Variants in MPND observed in about 807,000 individuals in gnomAD.
MPND encodes MPN domain-containing protein.
MPND carries 56 observed loss-of-function variants against 59.2 expected under a neutral mutation model. The ratio of observed to expected loss-of-function variants is 0.95; its 90% CI spans 0.76 to 1.18. The LOEUF (loss-of-function observed/expected upper bound fraction) is 1.18, where lower values mean the gene tolerates loss of function less well. Among genes scored for constraint, MPND ranks in the 50% most tolerant of loss-of-function variants. The probability of loss-of-function intolerance (pLI) is 0.00; values close to 1 mark genes in which losing one functional copy is unlikely to be tolerated. For missense variants in MPND, 671 were observed against 676.0 expected, an observed-to-expected ratio of 0.99 and a Z score of 0.08; for synonymous variants, 323 against 291.9, an observed-to-expected ratio of 1.11 and a Z score of -1.09.
chr19:4,344,680 C>A (rs1041673396), intron 2 of MPND, among the ~76,000 whole-genome samples: 1 of 151,978 alleles, frequency 6.6e-6, no homozygotes, highest in Non-Finnish European at 1.5e-5. Flanking sequence ...ATGAATAAAG[C>A]CCTCAGCAGG....
chr19:4,349,135 T>C (rs1972256312), intron 3 of MPND: 1 of 155,306 alleles, frequency 6.4e-6, no homozygotes, highest in Admixed American at 6.4e-5. Context: ...TGCTGTGATC[T>C]TGGCTCACTG....
In MPND at chr19:4,359,270, C is replaced by T; in HGVS notation, c.1419+15C>T. 3 of 1,607,454 alleles carry T rather than the reference C, an allele frequency of 1.9e-6. No homozygotes were observed. The highest frequency in any genetic ancestry group is 2.6e-6 in the Non-Finnish European group (3 of 1,175,022). Reference sequence around the variant, plus strand: ...ACAAGCTTAAGGTGAGCCCCAAGTCCCCGCAGACCTCCTAACGGGGCCCCA... The same window carrying T: ...ACAAGCTTAAGGTGAGCCCCAAGTCTCCGCAGACCTCCTAACGGGGCCCCA... On this transcript the variant is annotated intron_variant, in intron 12 of 12. Coordinates refer to ENST00000599840, the MANE Select transcript of MPND (RefSeq NM_001300862.2).
intron 8 of MPND, among the ~76,000 whole-genome samples, chr19:4,355,547 G>C (rs1186622968): frequency 6.6e-6 from 1 of 152,182 alleles, no homozygotes; most frequent in Non-Finnish European, 1.5e-5. Context: ...GCGTTAGCCA[G>C]GATGGTCTCG....
Position 4,343,814 on chromosome 19 carries a change from C to T in MPND, c.114C>T (p.Gly38=). The change falls in exon 2 of 13, where the codon GGC becomes GGT. Residue 38 remains glycine, a synonymous_variant. Coordinates refer to ENST00000599840, the MANE Select transcript of MPND (RefSeq NM_001300862.2). ...CTGAGCGGCCGAATGCGGGAGCGGG[C>T]GGTGGACGCAGTGGCGGCGGCGGCA... ...EDPERPNAGA[G]GGRSGGGGSS... 1 of 1,197,028 alleles carries T rather than the reference C, an allele frequency of 8.4e-7. No homozygotes were observed. The allele number at this position is 1,197,028 out of a possible 1,614,324, so 74.2% of individuals were successfully genotyped here.
At chr19:4,359,682 G>C (rs551664402) in intron 12 of MPND, among the ~76,000 whole-genome samples, 1 of 152,116 alleles carries the variant, frequency 6.6e-6, no homozygotes, top group African/African-American at 2.4e-5. Flanking sequence ...GGGCAGGATC[G>C]GGAGTGTGCA....
intron 5 of MPND, 76 bp downstream of exon 5, chr19:4,354,205 G>A: frequency 1.3e-6 from 2 of 1,529,600 alleles, no homozygotes; most frequent in Non-Finnish European, 1.8e-6. Context: ...GCAAGGGCAG[G>A]GGTGGGGGGT....
chr19:4,351,395 G>C (rs1333356869), intron 3 of MPND, among the ~76,000 whole-genome samples: 1 of 152,156 alleles, frequency 6.6e-6, no homozygotes, highest in African/African-American at 2.4e-5. Context: ...GGGCCACTGT[G>C]CCCGACTGGG....
At chr19:4,355,437 G>A (rs1246810215) in intron 8 of MPND, among the ~76,000 whole-genome samples, 2 of 149,810 alleles carry the variant, frequency 1.3e-5, no homozygotes, top group African/African-American at 2.5e-5. Flanking sequence ...CCGGGTTCAC[G>A]CCATTCTCCT....
At chr19:4,357,821 C>A in intron 10 of MPND, 1 of 607,952 alleles carries the variant, frequency 1.6e-6, no homozygotes, top group Non-Finnish European at 2.9e-6. Flanking sequence ...CCTGACCCTG[C>A]CTGGCTTCAT....
chr19:4,351,861 C>CAAAAA lies in MPND; in HGVS notation c.532-1021_532-1017dup, dbSNP rs1217874445. Among the ~76,000 whole-genome samples the CAAAAA allele has an allele frequency of 3.0e-3, 156 of 51,400 alleles. 8 individuals carry two copies. The highest frequency in any genetic ancestry group is 0.011 in the African/African-American group (129 of 11,792). The allele number at this position is 51,400 out of a possible 152,430, so 33.7% of individuals were successfully genotyped here. ...TCGGCGACAGAGTGAGACTCTGTCT[C>CAAAAA]AAAAAAAAAAAAAAAAAAAGAATAG... On this transcript the variant is annotated intron_variant, in intron 3 of 12. Coordinates refer to ENST00000599840, the MANE Select transcript of MPND (RefSeq NM_001300862.2).
rs1599562719 is a variant in MPND, at chr19:4,343,850, C to CGGA, written c.156_158dup (p.Gly57dup). The CGGA allele has an allele frequency of 8.4e-7, 1 of 1,192,828 alleles. No individual in the cohort carries two copies. The highest frequency in any genetic ancestry group is 3.6e-5 in the East Asian group (1 of 27,630). 73.9% of individuals were successfully genotyped at this position (1,192,828 alleles called of 1,614,324 possible). ...GTGGCGGCGGCGGCAGTAGCGTCAG[C>CGGA]GGAGGAGGCGGCGGCGGCGGGGCCG... On this transcript the variant is annotated inframe_insertion, in exon 2 of 13. Coordinates refer to ENST00000599840, the MANE Select transcript of MPND (RefSeq NM_001300862.2).
chr19:4,357,354 G>C lies in MPND; in HGVS notation c.1098G>C (p.Gln366His), dbSNP rs753532422. 1.9e-6 allele frequency: 3 copies of C among 1,613,186 alleles called. No homozygotes were observed. The highest frequency in any genetic ancestry group is 2.5e-6 in the Non-Finnish European group (3 of 1,180,028). Residue 366 changes from glutamine (Q) to histidine (H), a missense_variant, in exon 9 of 13, where the codon CAG becomes CAC. Coordinates refer to ENST00000599840, the MANE Select transcript of MPND (RefSeq NM_001300862.2). ...ALPSLQDIDA[Q>H]MDYQLRLQGS... ...CATCTCTGCAGGACATCGACGCACA[G>C]ATGGACTACCAGCTGCGGCTGCAGG...
Position 4,344,087 on chromosome 19 carries a change from T to C in MPND, c.294+93T>C, listed in dbSNP as rs561711009. Reference sequence around the variant, plus strand: ...CCTTGCTGCAGGACAAGCTTCAGTGTAGGGAGGGGACACTGAGGCCCGGAG... The same window carrying C: ...CCTTGCTGCAGGACAAGCTTCAGTGCAGGGAGGGGACACTGAGGCCCGGAG... On this transcript the variant is annotated intron_variant, in intron 2 of 12. Transcript: ENST00000599840. 8.6e-4 allele frequency: 831 copies of C among 967,486 alleles called. 1 individual carries two copies. The Middle Eastern group carries it at 9.4e-3, about 11-fold the overall frequency. The allele number at this position is 967,486 out of a possible 1,614,324, so 59.9% of individuals were successfully genotyped here. A position where few individuals can be genotyped will look rare whatever the true frequency, so the allele number is the denominator to read the frequency against.
In MPND at chr19:4,345,699, A is replaced by G. The variant is rs753082741; in HGVS notation, c.295-46A>G. The G allele has an allele frequency of 1.5e-5, 24 of 1,574,468 alleles. No individual in the cohort carries two copies. The African/African-American group carries it at 3.1e-4, about 20-fold the overall frequency. ...GGGAGGACCCCCCGGGAGAGAGGGC[A>G]TGGTGGGTGTTGGTCCTGGGCCCAG... is the stretch of plus-strand genomic sequence containing the variant. On this transcript the variant is annotated intron_variant, in intron 2 of 12. Coordinates refer to ENST00000599840, the MANE Select transcript of MPND (RefSeq NM_001300862.2).
chr19:4,358,072 G>T lies in MPND; in HGVS notation c.1237-11G>T, dbSNP rs778336507. On this transcript the variant is annotated splice_polypyrimidine_tract_variant and intron_variant, in intron 10 of 12. Transcript: ENST00000599840. ...GGTGAGGCTTCTCTCACTGGTCTGTGTCCCTGCCAGCAAAGGCCCAGTGAC... is the reference window on the plus strand; with the variant it reads ...GGTGAGGCTTCTCTCACTGGTCTGTTTCCCTGCCAGCAAAGGCCCAGTGAC... 6.4e-7 allele frequency: 1 copy of T among 1,550,396 alleles called. No individual in the cohort carries two copies. The highest frequency in any genetic ancestry group is 1.2e-5 in the South Asian group (1 of 84,052).
chr19:4,359,222 G>A lies in MPND; in HGVS notation c.1386G>A (p.Trp462Ter), dbSNP rs778105582. ...ACCTCGTGAGGCTCCAGGAACCCTG[G>A]AGCCAGGAGCACACCTACCTCGACA... The part of the protein sequence containing the change: ...SPDLVRLQEP[W>*]SQEHTYLDKL... The change falls in exon 12 of 13, where the codon TGG becomes TGA. Residue 462 changes from tryptophan to a stop codon, truncating the protein, a stop_gained. Transcript: ENST00000599840. LOFTEE classifies it high-confidence loss of function. 5.0e-6 allele frequency: 8 copies of A among 1,613,206 alleles called. No individual in the cohort carries two copies. The highest frequency in any genetic ancestry group is 6.8e-6 in the Non-Finnish European group (8 of 1,179,770).
At chr19:4,343,629 CGGGGCGCGGGGCTGCA>C (rs1437821191) in intron 1 of MPND, 29 bp downstream of exon 1, 252 of 1,188,608 alleles carry the variant, frequency 2.1e-4, no homozygotes, top group Middle Eastern at 1.3e-3. Flanking sequence ...GGCGGAGGCG[CGGGGCGCGGGGCTGCA>C]GGGGCGCGGG....
In MPND at chr19:4,354,725, A is replaced by G. The variant is rs1047994317; in HGVS notation, c.847-224A>G. 31 of 593,418 alleles carry G rather than the reference A, an allele frequency of 5.2e-5. No individual in the cohort carries two copies. In the African/African-American group the frequency reaches 5.6e-4, roughly 11 times the overall value. The allele number at this position is 593,418 out of a possible 1,614,324, so 36.8% of individuals were successfully genotyped here. A position where few individuals can be genotyped will look rare whatever the true frequency, so the allele number is the denominator to read the frequency against. ...CTAAATATACAAAAATTAGCTGGGCATGGTGGTGCACGCCTCTAATCCCAG... is the reference window on the plus strand; with the variant it reads ...CTAAATATACAAAAATTAGCTGGGCGTGGTGGTGCACGCCTCTAATCCCAG... On this transcript the variant is annotated intron_variant, in intron 6 of 12. Coordinates refer to ENST00000599840, the MANE Select transcript of MPND (RefSeq NM_001300862.2).
In MPND at chr19:4,351,532, G is replaced by T. The variant is rs72986788; in HGVS notation, c.532-1365G>T. Reference sequence around the variant, plus strand: ...TTCATTTCACCCTGATGCCATCCCCGTGGAGTTGGAGGTCATTGTGCCCTT... The same window carrying T: ...TTCATTTCACCCTGATGCCATCCCCTTGGAGTTGGAGGTCATTGTGCCCTT... On this transcript the variant is annotated intron_variant, in intron 3 of 12. Coordinates refer to ENST00000599840, the MANE Select transcript of MPND (RefSeq NM_001300862.2). 7.2e-3 allele frequency among the ~76,000 whole-genome samples: 1,093 copies of T among 152,286 alleles called. 7 individuals carry two copies. The highest frequency in any genetic ancestry group is 0.011 in the Non-Finnish European group (751 of 68,028).
Sources: allele counts gnomAD v4.1 joint callset (sites outside exome capture counted in the v4.1 genomes callset), GRCh38; gene constraint gnomAD v4.1.1; transcripts MANE v1.5; gene names NCBI Gene and HGNC (gene_info 2026-07-23, HGNC 2026-07-21).